The following RANBP2 variants were observed in gnomAD, a reference collection of about 807,000 sequenced individuals.
RANBP2 encodes the protein RAN binding protein 2.
A neutral mutation model predicts 303.6 loss-of-function variants in RANBP2; 57 were observed. The ratio of observed to expected loss-of-function variants is 0.19; its 90% confidence interval spans 0.15 to 0.23. The LOEUF is 0.23. RANBP2 is among the 10% of genes least tolerant of loss of function. The probability of loss-of-function intolerance (pLI) is 1.00; values close to 1 mark genes in which losing one functional copy is unlikely to be tolerated. For synonymous variants in RANBP2, 1,167 were observed against 1,301.5 expected, an observed-to-expected ratio of 0.90 and a Z score of 2.23; for missense variants, 3,138 against 3,780.8, an observed-to-expected ratio of 0.83 and a Z score of 4.46.
chr2:109,281,815 C>T, the RANBP2 span, among the ~76,000 whole-genome samples: 6 of 152,054 alleles, frequency 3.9e-5, no homozygotes, highest in Non-Finnish European at 5.9e-5. Context: ...GTCGGGGGCA[C>T]GCTGACCATG....
At chr2:109,316,281 TCCA>T in the RANBP2 span, among the ~76,000 whole-genome samples, 1 of 152,126 alleles carries the variant, frequency 6.6e-6, no homozygotes, top group African/African-American at 2.4e-5. Context: ...TGGGCCTCGG[TCCA>T]GGAGGCTGGG....
At chr2:109,437,443 A>G in the RANBP2 span, among the ~76,000 whole-genome samples, 1 of 152,200 alleles carries the variant, frequency 6.6e-6, no homozygotes, top group African/African-American at 2.4e-5. Context: ...TGGCAGCTGA[A>G]GTAAATTTAC....
chr2:109,731,133 C>A, the RANBP2 span, among the ~76,000 whole-genome samples: 3 of 152,194 alleles, frequency 2.0e-5, no homozygotes, highest in Non-Finnish European at 2.9e-5. Context: ...ACTTTATTAC[C>A]TCCCTAAATG....
chr2:109,611,979 G>A, the RANBP2 span, among the ~76,000 whole-genome samples: 1 of 152,092 alleles, frequency 6.6e-6, no homozygotes, highest in East Asian at 1.9e-4. Flanking sequence ...GTATTCCTGG[G>A]CATCTATCCC....
chr2:109,070,833 C>G, the RANBP2 span, among the ~76,000 whole-genome samples: 1 of 149,660 alleles, frequency 6.7e-6, no homozygotes, highest in South Asian at 2.1e-4. Flanking sequence ...GCACTCCAGC[C>G]TGGGCAACAA....
the RANBP2 span, chr2:109,553,311 G>A: frequency 2.4e-5 from 31 of 1,296,576 alleles, no homozygotes; most frequent in Middle Eastern, 2.5e-4. Context: ...TTGGGAGGCC[G>A]AGGCAGGTGG....
chr2:109,489,254 G>GAT, the RANBP2 span, among the ~76,000 whole-genome samples: 1 of 152,260 alleles, frequency 6.6e-6, no homozygotes, highest in African/African-American at 2.4e-5. Flanking sequence ...GGGTGATGGG[G>GAT]ATGGTCCCTT....
At chr2:109,529,103 G>T in the RANBP2 span, among the ~76,000 whole-genome samples, 1 of 152,204 alleles carries the variant, frequency 6.6e-6, no homozygotes, top group African/African-American at 2.4e-5. Flanking sequence ...CTCCATCCAG[G>T]CACCCGGTGG....
the RANBP2 span, among the ~76,000 whole-genome samples, chr2:109,702,762 T>C: frequency 2.6e-5 from 4 of 151,878 alleles, no homozygotes; most frequent in Non-Finnish European, 5.9e-5. Flanking sequence ...TTTCCCCACA[T>C]CTTTCCTTCT....
At chr2:108,773,236 G>A (rs1478665950) in intron 23 of RANBP2, among the ~76,000 whole-genome samples, 190 bp downstream of exon 23, 1 of 152,100 alleles carries the variant, frequency 6.6e-6, no homozygotes, top group African/African-American at 2.4e-5. Context: ...TCCTTCCTCA[G>A]CCTCCCGAGT....
At chr2:108,826,528 T>C in the RANBP2 span, among the ~76,000 whole-genome samples, 1 of 152,178 alleles carries the variant, frequency 6.6e-6, no homozygotes, top group Admixed American at 6.5e-5. Context: ...CCCTATTGAA[T>C]TGTTTCGGTA....
chr2:109,394,027 C>T, the RANBP2 span, among the ~76,000 whole-genome samples: 37 of 152,114 alleles, frequency 2.4e-4, no homozygotes, highest in African/African-American at 7.5e-4. Flanking sequence ...CCAGGAGCTG[C>T]GGGGAGAGAG....
At chr2:109,357,306 C>T in the RANBP2 span, among the ~76,000 whole-genome samples, 14 of 152,124 alleles carry the variant, frequency 9.2e-5, no homozygotes, top group South Asian at 1.0e-3. Context: ...CTCAGCCTCC[C>T]GAGTAGCTGG....
chr2:109,129,946 C>A, the RANBP2 span: 2 of 1,470,134 alleles, frequency 1.4e-6, no homozygotes, highest in Non-Finnish European at 1.8e-6. Context: ...CGGCAGCCCG[C>A]CCGCGCGTCC....
At chr2:109,551,305 TAAC>T in the RANBP2 span, among the ~76,000 whole-genome samples, 35 of 152,366 alleles carry the variant, frequency 2.3e-4, no homozygotes, top group African/African-American at 6.7e-4. Flanking sequence ...CATATTTAAA[TAAC>T]AGTCCTTTAA....
the RANBP2 span, among the ~76,000 whole-genome samples, chr2:109,238,447 A>ATT: frequency 8.3e-6 from 1 of 119,900 alleles, no homozygotes; most frequent in Non-Finnish European, 1.7e-5. Flanking sequence ...TGTTATGTAT[A>ATT]TTTGTGTGTG....
chr2:109,755,193 C>T, the RANBP2 span, among the ~76,000 whole-genome samples: 11 of 117,186 alleles, frequency 9.4e-5, no homozygotes, highest in African/African-American at 3.9e-4. Flanking sequence ...CTAGGCACAC[C>T]TTGGTGGGGG....
the RANBP2 span, among the ~76,000 whole-genome samples, chr2:109,283,847 C>T: frequency 6.6e-5 from 10 of 152,200 alleles, no homozygotes; most frequent in African/African-American, 2.4e-4. Context: ...TGCTGCTGAG[C>T]CACTGGGGAT....
chr2:109,737,853 C>A, the RANBP2 span, among the ~76,000 whole-genome samples: 1 of 152,084 alleles, frequency 6.6e-6, no homozygotes, highest in African/African-American at 2.4e-5. Flanking sequence ...TTTTCTTATA[C>A]TTGTTGGCCA....
Sources: gnomAD v4.1 joint callset for allele counts (sites outside exome capture counted in the v4.1 genomes callset) on GRCh38, gnomAD v4.1.1 for gene constraint, MANE v1.5 for transcripts, NCBI Gene and HGNC (gene_info 2026-07-23, HGNC 2026-07-21) for gene names.